Variants in PIEZO2 observed in about 807,000 individuals in gnomAD.
The protein encoded by PIEZO2 is piezo-type mechanosensitive ion channel component 2.
A neutral mutation model predicts 337.3 loss-of-function variants in PIEZO2; 172 were observed. That is an observed-to-expected ratio of 0.51 (90% CI 0.45 to 0.58). The LOEUF (loss-of-function observed/expected upper bound fraction) is 0.58. PIEZO2 is among the 20% of genes least tolerant of loss of function. PIEZO2 has a pLI of 0.00. For missense variants in PIEZO2, 3,028 were observed against 3,391.3 expected (o/e 0.89, Z 2.66); for synonymous variants, 1,251 against 1,228.5 (o/e 1.02, Z -0.38).
chr18:10,707,887 C>T lies in PIEZO2; in HGVS notation c.5588+388G>A, dbSNP rs1657341537. ...TACTGCATGCATCTTTTGATTACAT[C>T]AAGAGAAGAAGTTTTCTACCTTTGC... On this transcript the variant is annotated intron_variant, in intron 40 of 55. Transcript: ENST00000674853. This position sits in a 1 kb window ranked among gnomAD's most constrained non-coding sequence, Gnocchi z 4.2. Among the ~76,000 whole-genome samples the T allele has an allele frequency of 6.6e-6, 1 of 152,076 alleles. No individual in the cohort carries two copies. Among genetic ancestry groups the T allele is most frequent in the Non-Finnish European group, 1.5e-5 (1 of 68,008 alleles).
intron 3 of PIEZO2, among the ~76,000 whole-genome samples, chr18:10,972,982 G>A (rs2034302286): frequency 6.6e-6 from 1 of 152,092 alleles, no homozygotes; most frequent in Admixed American, 6.6e-5. Flanking sequence ...GGCACACTGG[G>A]ACTCACTTTC....
Position 10,682,120 on chromosome 18 carries a change from G to A in PIEZO2, c.7670C>T (p.Thr2557Ile), listed in dbSNP as rs1374550293. ...NQPLDVSVTI[T>I]LGGYQPIFTM... ...AGAGATCACCTGATACCCTCCCAGG[G>A]TAATTGTGACGGAGACGTCCAGGGG... Residue 2557 changes from threonine to isoleucine, a missense_variant, in exon 50 of 56, where the codon ACC (threonine) becomes ATC (isoleucine). Around this residue, in one of 5 missense-constraint regions of PIEZO2, gnomAD observed 332 missense variants for 363.8 expected, o/e 0.91. Coordinates refer to ENST00000674853, the MANE Select transcript of PIEZO2 (RefSeq NM_001378183.1). This position sits in a 1 kb window ranked among gnomAD's most constrained non-coding sequence, Gnocchi z 5.6. The A allele has an allele frequency of 1.5e-5, 23 of 1,536,646 alleles. No homozygotes were observed. Among genetic ancestry groups the A allele is most frequent in the Non-Finnish European group, 1.9e-5 (22 of 1,146,668 alleles).
chr18:10,679,324 T>C (rs2034158809), intron 52 of PIEZO2, among the ~76,000 whole-genome samples: 1 of 152,224 alleles, frequency 6.6e-6, no homozygotes, highest in African/African-American at 2.4e-5. Context: ...ATCATCACCT[T>C]GCCTCTCTTC....
chr18:10,723,475 A>G (rs1271159593), intron 36 of PIEZO2, among the ~76,000 whole-genome samples: 2 of 151,980 alleles, frequency 1.3e-5, no homozygotes, highest in Non-Finnish European at 2.9e-5. Context: ...ATGGAGGGAG[A>G]TGTAGTGGGG....
Position 10,726,274 on chromosome 18 carries a change from A to T in PIEZO2, c.5029+5133T>A. On this transcript the variant is annotated intron_variant, in intron 36 of 55. Coordinates refer to ENST00000674853, the MANE Select transcript of PIEZO2 (RefSeq NM_001378183.1). This position sits in a 1 kb window ranked among gnomAD's most constrained non-coding sequence, Gnocchi z 5.9. Reference sequence around the variant, plus strand: ...GCGAGCCTGTGTTCGGGAGCATGAGAATGGAAGCGTCGCGGCCAGAGCCCC... The same window carrying T: ...GCGAGCCTGTGTTCGGGAGCATGAGTATGGAAGCGTCGCGGCCAGAGCCCC... 1 of 846,272 alleles carries T rather than the reference A, an allele frequency of 1.2e-6. No homozygotes were observed. Among genetic ancestry groups the T allele is most frequent in the Non-Finnish European group, 1.9e-6 (1 of 525,844 alleles). 52.4% of individuals were successfully genotyped at this position (846,272 alleles called of 1,614,324 possible).
intron 2 of PIEZO2, among the ~76,000 whole-genome samples, chr18:11,023,393 G>C (rs915907539): frequency 5.3e-5 from 8 of 152,156 alleles, no homozygotes; most frequent in Non-Finnish European, 1.0e-4. Flanking sequence ...GGTTCTCCAA[G>C]TCCCCACCAG....
chr18:11,103,802 T>TGTGTGTGTGTGC (rs1555714108), intron 1 of PIEZO2, among the ~76,000 whole-genome samples: 3 of 151,434 alleles, frequency 2.0e-5, no homozygotes, highest in African/African-American at 7.3e-5. Context: ...TGTGTGTGTG[T>TGTGTGTGTGTGC]GTGTGTGCGT....
In PIEZO2 at chr18:10,715,701, T is replaced by C. The variant is rs897338095; in HGVS notation, c.5205A>G (p.Ile1735Met). Residue 1735 changes from isoleucine to methionine, a missense_variant, in exon 38 of 56, where the codon ATA becomes ATG. Around this residue, in one of 5 missense-constraint regions of PIEZO2, gnomAD observed 1,925 missense variants for 2,051.9 expected, o/e 0.94. Coordinates refer to ENST00000674853, the MANE Select transcript of PIEZO2 (RefSeq NM_001378183.1). ...ATCGTTCAATTCTCAGAACTGTAGA[T>C]ATATCAATATGCTCCCTTGAAATGG... ...LNSISREHIDISTVLRIERCM... is the reference protein window; with the variant it reads ...LNSISREHIDMSTVLRIERCM... 8 of 1,536,782 alleles carry C rather than the reference T, an allele frequency of 5.2e-6. No homozygotes were observed. Among genetic ancestry groups the C allele is most frequent in the African/African-American group, 2.7e-5 (2 of 73,022 alleles).
At position 10,855,217 on chromosome 18, in the gene PIEZO2, C is replaced by A; in HGVS notation, c.917+136G>T. ...TGAAAGTGCTAGACTGCTTCACCCACCCCCACAAAATCTTTGCTTAACACA... is the reference window on the plus strand; with the variant it reads ...TGAAAGTGCTAGACTGCTTCACCCAACCCCACAAAATCTTTGCTTAACACA... On this transcript the variant is annotated intron_variant, in intron 7 of 55. Coordinates refer to ENST00000674853, the MANE Select transcript of PIEZO2 (RefSeq NM_001378183.1). The surrounding 1 kb of genome is among the most constrained non-coding windows in gnomAD (Gnocchi z 4.9). 1.4e-6 allele frequency: 1 copy of A among 739,856 alleles called. No individual in the cohort carries two copies. The highest frequency in any genetic ancestry group is 1.8e-5 in the South Asian group (1 of 56,114). 45.8% of individuals were successfully genotyped at this position (739,856 alleles called of 1,614,324 possible).
chr18:11,136,563 C>T (rs557242091), intron 1 of PIEZO2, among the ~76,000 whole-genome samples: 1 of 152,346 alleles, frequency 6.6e-6, no homozygotes, highest in South Asian at 2.1e-4. Context: ...CCAAGGCCAA[C>T]ACGAGTCAGG....
Position 10,824,295 on chromosome 18 carries a change from G to GAT in PIEZO2, c.918-17023_918-17022dup, listed in dbSNP as rs1448494905. On this transcript the variant is annotated intron_variant, in intron 7 of 55. Coordinates refer to ENST00000674853, the MANE Select transcript of PIEZO2 (RefSeq NM_001378183.1). This position sits in a 1 kb window ranked among gnomAD's most constrained non-coding sequence, Gnocchi z 4.4. ...TTTAAAATAAAGGCAACAAGAAGGT[G>GAT]ATATAAAGGCCTTCAAGACCTTAAT... Among the ~76,000 whole-genome samples, 1 of 152,172 alleles carries GAT rather than the reference G, an allele frequency of 6.6e-6. No individual in the cohort carries two copies. The highest frequency in any genetic ancestry group is 1.5e-5 in the Non-Finnish European group (1 of 68,020).
rs75193355 is a variant in PIEZO2 at position 10,988,796 on chromosome 18, G to A, written c.161-9136C>T. 3.1e-3 allele frequency among the ~76,000 whole-genome samples: 465 copies of A among 152,248 alleles called. 1 individual carries two copies. The highest frequency in any genetic ancestry group is 0.011 in the African/African-American group (449 of 41,558). On this transcript the variant is annotated intron_variant, in intron 2 of 55. Coordinates refer to ENST00000674853, the MANE Select transcript of PIEZO2 (RefSeq NM_001378183.1). The surrounding 1 kb of genome is among the most constrained non-coding windows in gnomAD (Gnocchi z 4.8). ...ATTTGCAACAATATGACTAGACATG[G>A]AGGGAGGGCATTACGTTAAGTGAAA... is the stretch of plus-strand genomic sequence containing the variant.
intron 2 of PIEZO2, among the ~76,000 whole-genome samples, chr18:10,990,221 T>A (rs2035037170): frequency 6.6e-6 from 1 of 152,110 alleles, no homozygotes; most frequent in Non-Finnish European, 1.5e-5. Context: ...TTTAGGTAAA[T>A]TAAGGATATA....
chr18:10,752,593 T>C (rs1226812856), intron 28 of PIEZO2, 43 bp downstream of exon 28: 1 of 1,528,474 alleles, frequency 6.5e-7, no homozygotes. Flanking sequence ...TGTTTACTCT[T>C]ACACGAAAAC....
At chr18:10,705,251 T>G in intron 41 of PIEZO2, 85 bp downstream of exon 41, 1 of 1,411,096 alleles carries the variant, frequency 7.1e-7, no homozygotes, top group Non-Finnish European at 9.3e-7. Context: ...TTTCTATATA[T>G]GAATTTTTCT....
At chr18:10,983,888 GGAATATAAATT>G (rs1456295207) in intron 2 of PIEZO2, among the ~76,000 whole-genome samples, 1 of 152,154 alleles carries the variant, frequency 6.6e-6, no homozygotes, top group Non-Finnish European at 1.5e-5. Flanking sequence ...ATTGCCTTAG[GGAATATAAATT>G]GAATGCTATC....
At chr18:10,732,137 G>T (rs1485095161) in intron 35 of PIEZO2, among the ~76,000 whole-genome samples, 1 of 152,162 alleles carries the variant, frequency 6.6e-6, no homozygotes, top group East Asian at 1.9e-4. Context: ...TTTCAGTCAA[G>T]AGCTGAAAAT....
At position 10,780,659 on chromosome 18, in the gene PIEZO2, T is replaced by C. The variant is rs577003754; in HGVS notation, c.2493-293A>G. Among the ~76,000 whole-genome samples the C allele has an allele frequency of 5.6e-5, 8 of 143,320 alleles. No homozygotes were observed. The South Asian group carries it at 1.8e-3, about 32-fold the overall frequency. 94.0% of individuals were successfully genotyped at this position (143,320 alleles called of 152,430 possible). A position where few individuals can be genotyped will look rare whatever the true frequency, so the allele number is the denominator to read the frequency against. On this transcript the variant is annotated intron_variant, in intron 17 of 55. Coordinates refer to ENST00000674853, the MANE Select transcript of PIEZO2 (RefSeq NM_001378183.1). The stretch of plus-strand genomic sequence containing the variant: ...TTACAAATTTGTAATGTTTAAATTT[T>C]TTAAGGTACCTTTTTTTTTTTTTTT...
At chr18:10,885,358 A>C (rs562193032) in intron 4 of PIEZO2, among the ~76,000 whole-genome samples, 1 of 152,268 alleles carries the variant, frequency 6.6e-6, no homozygotes, top group African/African-American at 2.4e-5. Flanking sequence ...CGGGAGGTGG[A>C]GCTTGCAGTG....
Sources: allele counts gnomAD v4.1 joint callset (sites outside exome capture counted in the v4.1 genomes callset), GRCh38; gene constraint gnomAD v4.1.1; regional missense constraint gnomAD v4.1.1; non-coding constraint Gnocchi (gnomAD v3.1); transcripts MANE v1.5; gene names NCBI Gene and HGNC (gene_info 2026-07-23, HGNC 2026-07-21).